The following ZPBP variants were observed in gnomAD, a reference collection of about 807,000 sequenced individuals.
The protein encoded by ZPBP is zona pellucida binding protein.
Under a neutral mutation model 44.8 loss-of-function variants are expected in ZPBP, and 26 were observed. That is an observed-to-expected ratio of 0.58 (90% CI 0.43 to 0.81). The LOEUF is 0.81. Among genes scored for constraint, ZPBP ranks in the 30% least tolerant of loss-of-function variants. The pLI is 0.00. For missense variants in ZPBP, 409 were observed against 434.0 expected, an observed-to-expected ratio of 0.94 and a Z score of 0.51; for synonymous variants, 174 against 153.2, an observed-to-expected ratio of 1.14 and a Z score of -1.00.
At position 49,990,780 on chromosome 7, in the gene ZPBP, G is replaced by T. The variant is rs148024836; in HGVS notation, c.784-7261C>A. On this transcript the variant is annotated intron_variant, in intron 6 of 7. Transcript: ENST00000046087. ...CAATCTGTCCTACTGGCCATGCCAA[G>T]CTCATTGTGAATAAATATGACTGGA... Among the ~76,000 whole-genome samples the T allele has an allele frequency of 9.2e-5, 14 of 152,280 alleles. No homozygotes were observed. The East Asian group carries it at 2.7e-3, about 29-fold the overall frequency.
chr7:49,865,519 T>G (rs1790847086), intron 2 of ZPBP, among the ~76,000 whole-genome samples: 1 of 152,240 alleles, frequency 6.6e-6, no homozygotes, highest in Non-Finnish European at 1.5e-5. Context: ...TCTCTGGCAA[T>G]GTGGTTCCTC....
In ZPBP at chr7:50,063,069, T is replaced by C. The variant is rs373203816; in HGVS notation, c.335-4928A>G. On this transcript the variant is annotated intron_variant, in intron 3 of 7. Coordinates refer to ENST00000046087, the MANE Select transcript of ZPBP (RefSeq NM_007009.3). Reference sequence around the variant, plus strand: ...TCAATTAATTGAGACATGCATTACATCATTTTTTACTTTTCAAGAAATAAC... The same window carrying C: ...TCAATTAATTGAGACATGCATTACACCATTTTTTACTTTTCAAGAAATAAC... 7.2e-5 allele frequency among the ~76,000 whole-genome samples: 11 copies of C among 152,276 alleles called. No homozygotes were observed. In the East Asian group the frequency reaches 1.7e-3, roughly 24 times the overall value.
At chr7:49,924,822 A>G (rs560465771) in intron 1 of ZPBP, among the ~76,000 whole-genome samples, 2 of 152,194 alleles carry the variant, frequency 1.3e-5, no homozygotes, top group African/African-American at 2.4e-5. Flanking sequence ...TGGCTGCCCA[A>G]GGACTTCAGG....
chr7:50,062,462 G>A (rs1177568263), intron 3 of ZPBP, among the ~76,000 whole-genome samples: 1 of 152,008 alleles, frequency 6.6e-6, no homozygotes, highest in East Asian at 1.9e-4. Context: ...GCATAGCACT[G>A]GTATAAAAAC....
At chr7:50,084,367 CA>C (rs1802521165) in intron 2 of ZPBP, among the ~76,000 whole-genome samples, 1 of 142,474 alleles carries the variant, frequency 7.0e-6, no homozygotes, top group Non-Finnish European at 1.5e-5. Flanking sequence ...AAAAAAAATA[CA>C]AAATGGTATT....
At position 50,058,147 on chromosome 7, in the gene ZPBP, G is replaced by A. The variant is rs1390764172; in HGVS notation, c.335-6C>T. The A allele has an allele frequency of 6.2e-7, 1 of 1,613,424 alleles. No individual in the cohort carries two copies. Among genetic ancestry groups the A allele is most frequent in the Non-Finnish European group, 8.5e-7 (1 of 1,179,670 alleles). On this transcript the variant is annotated splice_region_variant and splice_polypyrimidine_tract_variant and intron_variant, in intron 3 of 7. Coordinates refer to ENST00000046087, the MANE Select transcript of ZPBP (RefSeq NM_007009.3). The stretch of plus-strand genomic sequence containing the variant: ...TTGTGCAGTGCGGTTTTCTACTAAA[G>A]GAATAAGATACAGTTACGAGTTGCT...
Position 49,961,607 on chromosome 7 carries a change from C to A in ZPBP, c.961+21735G>T, listed in dbSNP as rs1196236616. Among the ~76,000 whole-genome samples the A allele has an allele frequency of 2.6e-5, 4 of 151,870 alleles. No homozygotes were observed. In the East Asian group the frequency reaches 5.8e-4, roughly 22 times the overall value. The stretch of plus-strand genomic sequence containing the variant: ...TAGTTAATTGTATGTCATTGCTGAG[C>A]CAAAATAAAACAAGTTGTAGAAGTT... On this transcript the variant is annotated intron_variant, in intron 7 of 7. Coordinates refer to ENST00000046087, the MANE Select transcript of ZPBP (RefSeq NM_007009.3).
intron 2 of ZPBP, among the ~76,000 whole-genome samples, chr7:49,871,820 C>A (rs1053655832): frequency 6.7e-6 from 1 of 150,358 alleles, no homozygotes; most frequent in Non-Finnish European, 1.5e-5. Context: ...ATTATACACC[C>A]AATCAAAGAC....
At chr7:50,030,236 G>C (rs1381526032) in intron 5 of ZPBP, among the ~76,000 whole-genome samples, 4 of 152,014 alleles carry the variant, frequency 2.6e-5, no homozygotes, top group African/African-American at 9.7e-5. Flanking sequence ...GAGAGAGAGG[G>C]AAGGACAGGG....
In ZPBP at chr7:49,866,335, C is replaced by T. The variant is rs146822987; in HGVS notation, n.510-15821G>A. On this transcript the variant is annotated intron_variant and non_coding_transcript_variant, in intron 2 of 2. Transcript: ENST00000465922. The stretch of plus-strand genomic sequence containing the variant: ...TTGCCACTTTTCCTGTCCTGACTGG[C>T]GTTCTTCCCTCATTGCTTTTCTAAC... 7.0e-4 allele frequency among the ~76,000 whole-genome samples: 106 copies of T among 152,292 alleles called. 1 individual carries two copies. The highest frequency in any genetic ancestry group is 1.4e-3 in the Non-Finnish European group (97 of 68,016).
intron 4 of ZPBP, among the ~76,000 whole-genome samples, chr7:50,043,710 T>C (rs888011885): frequency 6.6e-6 from 1 of 152,100 alleles, no homozygotes; most frequent in Non-Finnish European, 1.5e-5. Flanking sequence ...TCCCACACAA[T>C]AATAGTAGGA....
chr7:50,077,980 G>C (rs2128848995), intron 3 of ZPBP, among the ~76,000 whole-genome samples: 1 of 151,900 alleles, frequency 6.6e-6, no homozygotes, highest in Non-Finnish European at 1.5e-5. Context: ...CTAAGATTTA[G>C]AAGCAAACTA....
intron 5 of ZPBP, 100 bp downstream of exon 5, chr7:50,030,992 T>C: frequency 1.0e-6 from 1 of 998,822 alleles, no homozygotes; most frequent in South Asian, 1.4e-5. Context: ...TGTATGGTGT[T>C]TATGTTTATA....
intron 1 of ZPBP, chr7:49,901,276 T>G (rs1187864496): frequency 6.6e-6 from 1 of 151,762 alleles, no homozygotes; most frequent in Admixed American, 6.6e-5. Context: ...GAAATAAAAC[T>G]GTCTTTGTTT....
intron 6 of ZPBP, among the ~76,000 whole-genome samples, chr7:50,013,205 GTTAT>G (rs1562845004): frequency 6.6e-6 from 1 of 151,770 alleles, no homozygotes; most frequent in Admixed American, 6.6e-5. Context: ...TTATAATATA[GTTAT>G]TTAAATTATT....
At chr7:50,005,999 A>G (rs568440391) in intron 6 of ZPBP, among the ~76,000 whole-genome samples, 2 of 152,000 alleles carry the variant, frequency 1.3e-5, no homozygotes, top group South Asian at 2.1e-4. Flanking sequence ...TTCAAAAAAG[A>G]GCATACTAAT....
intron 7 of ZPBP, among the ~76,000 whole-genome samples, chr7:49,982,209 A>ATTTATATTT (rs369441808): frequency 2.4e-5 from 2 of 82,960 alleles, no homozygotes; most frequent in African/African-American, 1.1e-4. Flanking sequence ...TATTATATAT[A>ATTTATATTT]TATATAATGT....
At chr7:50,055,087 T>C (rs1800868602) in intron 4 of ZPBP, among the ~76,000 whole-genome samples, 1 of 152,188 alleles carries the variant, frequency 6.6e-6, no homozygotes, top group South Asian at 2.1e-4. Context: ...CCTGCAGATT[T>C]TCCTTTACAG....
chr7:49,840,858 C>A, the ZPBP span, among the ~76,000 whole-genome samples: 5 of 152,174 alleles, frequency 3.3e-5, no homozygotes, highest in African/African-American at 1.2e-4. Flanking sequence ...TTCTCTGACC[C>A]CCGAGTCAGA....
Sources: allele counts gnomAD v4.1 joint callset (sites outside exome capture counted in the v4.1 genomes callset), GRCh38; gene constraint gnomAD v4.1.1; transcripts MANE v1.5; gene names NCBI Gene and HGNC (gene_info 2026-07-23, HGNC 2026-07-21).